The following TTC39B variants were observed in gnomAD, a reference collection of about 807,000 sequenced individuals.
TTC39B encodes tetratricopeptide repeat protein 39B.
TTC39B carries 92 observed loss-of-function variants against 96.6 expected under a neutral mutation model. The ratio of observed to expected loss-of-function variants is 0.95; its 90% CI spans 0.80 to 1.13. The LOEUF (loss-of-function observed/expected upper bound fraction) is 1.13. Ranked by LOEUF, TTC39B falls within the 50% of genes most tolerant of loss-of-function variation. TTC39B has a pLI of 0.00. For missense variants in TTC39B, 955 were observed against 809.3 expected, an observed-to-expected ratio of 1.18 and a Z score of -2.18; for synonymous variants, 367 against 299.4, an observed-to-expected ratio of 1.23 and a Z score of -2.33.
intron 1 of TTC39B, among the ~76,000 whole-genome samples, chr9:15,280,197 C>A (rs1052903590): frequency 2.0e-5 from 3 of 152,262 alleles, no homozygotes; most frequent in South Asian, 2.1e-4. Context: ...CGTGCCCGGC[C>A]TGTAAATAAA....
At chr9:15,274,047 T>C (rs1296844648) in intron 1 of TTC39B, among the ~76,000 whole-genome samples, 1 of 152,176 alleles carries the variant, frequency 6.6e-6, no homozygotes, top group East Asian at 1.9e-4. Flanking sequence ...TCCTCAAATA[T>C]TGAATTTCTC....
chr9:15,191,050 A>G, intron 10 of TTC39B, 140 bp downstream of exon 10: 1 of 673,650 alleles, frequency 1.5e-6, no homozygotes, highest in Non-Finnish European at 2.6e-6. Context: ...ATGATCAAGA[A>G]TCAAAGGCTT....
At chr9:15,185,517 T>C in intron 15 of TTC39B, 111 bp from the exon 16 acceptor site, 1 of 1,512,212 alleles carries the variant, frequency 6.6e-7, no homozygotes, top group Non-Finnish European at 8.9e-7. Context: ...AGCAGCAGCA[T>C]CACCTGGGAA....
chr9:15,278,964 CCA>C (rs1823649944), intron 1 of TTC39B, among the ~76,000 whole-genome samples: 1 of 152,158 alleles, frequency 6.6e-6, no homozygotes, highest in African/African-American at 2.4e-5. Context: ...ATCATAATGT[CCA>C]CATGAGGAAA....
Position 15,237,247 on chromosome 9 carries a change from G to A in TTC39B, c.276-11235C>T, listed in dbSNP as rs569620208. On this transcript the variant is annotated intron_variant, in intron 2 of 19. Transcript: ENST00000512701. ...GGAGAATTACTTGAACCCGGGAGGCGGAGGTTGCAGTGAGCCAAGATCATG... is the reference window on the plus strand; with the variant it reads ...GGAGAATTACTTGAACCCGGGAGGCAGAGGTTGCAGTGAGCCAAGATCATG... Among the ~76,000 whole-genome samples, 77 of 152,212 alleles carry A rather than the reference G, an allele frequency of 5.1e-4. No homozygotes were observed. The South Asian group carries it at 6.0e-3, about 12-fold the overall frequency.
chr9:15,226,150 C>G lies in TTC39B; in HGVS notation c.276-138G>C, dbSNP rs1315169911. 5 of 663,246 alleles carry G rather than the reference C, an allele frequency of 7.5e-6. No individual in the cohort carries two copies. The East Asian group carries it at 1.2e-4, about 16-fold the overall frequency. 41.1% of individuals were successfully genotyped at this position (663,246 alleles called of 1,614,324 possible). ...TCCATTTCTTATCAATTTTAAAAAT[C>G]AAGTAACAAAAATCTACTGTTATGT... is the stretch of plus-strand genomic sequence containing the variant. On this transcript the variant is annotated intron_variant, in intron 2 of 19. Transcript: ENST00000512701.
Position 15,306,628 on chromosome 9 carries a change from G to A in TTC39B, c.240+456C>T, listed in dbSNP as rs1264319394. Among the ~76,000 whole-genome samples, 1 of 152,208 alleles carries A rather than the reference G, an allele frequency of 6.6e-6. No homozygotes were observed. Among genetic ancestry groups the A allele is most frequent in the Non-Finnish European group, 1.5e-5 (1 of 68,050 alleles). ...CATCAATCGTAAGCCTTTCGGTTCTGCCACCAGGAAACTTCCATAGAAGGT... is the reference window on the plus strand; with the variant it reads ...CATCAATCGTAAGCCTTTCGGTTCTACCACCAGGAAACTTCCATAGAAGGT... On this transcript the variant is annotated intron_variant, in intron 1 of 19. Coordinates refer to ENST00000512701, the Ensembl canonical transcript of TTC39B. This position sits in a 1 kb window ranked among gnomAD's most constrained non-coding sequence, Gnocchi z 5.1.
At position 15,239,455 on chromosome 9, in the gene TTC39B, T is replaced by A. The variant is rs137881790; in HGVS notation, c.276-13443A>T. The stretch of plus-strand genomic sequence containing the variant: ...AAAAGAAATCATTATATAAAAAAGA[T>A]TCCTGCACTCATATGTTTATCACAG... On this transcript the variant is annotated intron_variant, in intron 2 of 19. Coordinates refer to ENST00000512701, the Ensembl canonical transcript of TTC39B. Among the ~76,000 whole-genome samples the A allele has an allele frequency of 1.2e-4, 19 of 152,316 alleles. No homozygotes were observed. In the East Asian group the frequency reaches 2.5e-3, roughly 20 times the overall value.
At chr9:15,269,671 G>C (rs996727609) in intron 1 of TTC39B, among the ~76,000 whole-genome samples, 1 of 151,854 alleles carries the variant, frequency 6.6e-6, no homozygotes, top group Non-Finnish European at 1.5e-5. Context: ...GGCCCACATG[G>C]TGAATCCCTC....
chr9:15,306,867 C>T lies in TTC39B; in HGVS notation c.240+217G>A, dbSNP rs1287808206. Among the ~76,000 whole-genome samples the T allele has an allele frequency of 6.6e-6, 1 of 151,854 alleles. No individual in the cohort carries two copies. Among genetic ancestry groups the T allele is most frequent in the African/African-American group, 2.4e-5 (1 of 41,350 alleles). On this transcript the variant is annotated intron_variant, in intron 1 of 19. Transcript: ENST00000512701. This position sits in a 1 kb window ranked among gnomAD's most constrained non-coding sequence, Gnocchi z 5.1. ...CTCGCGGGGCCGGCGCTCCGAACCT[C>T]GGCACTGCGTCCGCTCCGCGCGCCG...
chr9:15,235,019 T>TAATAAATAAATAAATAAATA (rs1564375068), intron 2 of TTC39B, among the ~76,000 whole-genome samples: 38 of 57,884 alleles, frequency 6.6e-4, no homozygotes, highest in African/African-American at 2.8e-3. Flanking sequence ...CACCCAAGAA[T>TAATAAATAAATAAATAAATA]GATCAATAAA....
chr9:15,257,744 GAC>G (rs1415666342), intron 2 of TTC39B, among the ~76,000 whole-genome samples: 17 of 150,070 alleles, frequency 1.1e-4, no homozygotes, highest in Non-Finnish European at 1.5e-4. Context: ...CACCGTGCCT[GAC>G]GCAAATTATC....
chr9:15,276,149 A>C (rs1217362754), intron 1 of TTC39B, among the ~76,000 whole-genome samples: 1 of 152,230 alleles, frequency 6.6e-6, no homozygotes, highest in East Asian at 1.9e-4. Flanking sequence ...TACTTAGCCT[A>C]TAAAAGTCCT....
chr9:15,261,942 T>C (rs1163452132), intron 2 of TTC39B, among the ~76,000 whole-genome samples: 1 of 152,154 alleles, frequency 6.6e-6, no homozygotes, highest in East Asian at 1.9e-4. Flanking sequence ...AACTGTTAAA[T>C]AAGGAAGCAA....
At chr9:15,199,306 C>A (rs1819368970) in intron 8 of TTC39B, among the ~76,000 whole-genome samples, 1 of 152,166 alleles carries the variant, frequency 6.6e-6, no homozygotes, top group Non-Finnish European at 1.5e-5. Context: ...CTAAAATTAT[C>A]TAATCAGAAA....
chr9:15,307,074 C>T lies in TTC39B; in HGVS notation c.240+10G>A. 6.2e-7 allele frequency: 1 copy of T among 1,609,324 alleles called. No individual in the cohort carries two copies. The highest frequency in any genetic ancestry group is 8.5e-7 in the Non-Finnish European group (1 of 1,177,928). ...CAGGGGCCGGGCCCGCAATCCCCAT[C>T]GGATCGTACCTCGTCCGCTTCCAGC... On this transcript the variant is annotated intron_variant, in intron 1 of 19. Transcript: ENST00000512701.
At chr9:15,218,647 T>TATATATATATATATATAA (rs1238241897) in intron 3 of TTC39B, among the ~76,000 whole-genome samples, 4 of 149,726 alleles carry the variant, frequency 2.7e-5, no homozygotes, top group Non-Finnish European at 1.5e-5. Context: ...TATATATATA[T>TATATATATATATATATAA]AATGAACACA....
intron 3 of TTC39B, among the ~76,000 whole-genome samples, chr9:15,220,531 T>C (rs1201022730): frequency 6.6e-6 from 1 of 152,074 alleles, no homozygotes; most frequent in Non-Finnish European, 1.5e-5. Context: ...GTTATGAGCA[T>C]CAGAAAAGAT....
At chr9:15,199,910 T>C in exon 8 of TTC39B, 4 of 1,541,328 alleles carry the variant, frequency 2.6e-6, no homozygotes, top group Non-Finnish European at 3.5e-6. Flanking sequence ...TTGATGAAGT[T>C]GATCATATTT....
Sources: allele counts gnomAD v4.1 joint callset (sites outside exome capture counted in the v4.1 genomes callset), GRCh38; gene constraint gnomAD v4.1.1; non-coding constraint Gnocchi (gnomAD v3.1); transcripts MANE v1.5; gene names NCBI Gene and HGNC (gene_info 2026-07-23, HGNC 2026-07-21).